Variants in MPPED2 observed in about 807,000 individuals in gnomAD.
The protein encoded by MPPED2 is metallophosphoesterase domain containing 2, also known as metallophosphoesterase MPPED2.
A neutral mutation model predicts 33.0 loss-of-function variants in MPPED2; 5 were observed. The observed-to-expected ratio is 0.15, with a 90% CI of 0.08 to 0.32. The LOEUF is 0.32. Ranked by LOEUF, MPPED2 falls within the 10% of genes least tolerant of loss-of-function variation. MPPED2 has a pLI of 1.00. For missense variants in MPPED2, 275 were observed against 372.1 expected (o/e 0.74, Z 2.15); for synonymous variants, 136 against 141.9 (o/e 0.96, Z 0.29).
intron 4 of MPPED2, among the ~76,000 whole-genome samples, chr11:30,422,643 T>A (rs1948661436): frequency 6.6e-6 from 1 of 150,890 alleles, no homozygotes; most frequent in African/African-American, 2.4e-5. Context: ...GCAATGGGGG[T>A]GAGGGGGGAA....
chr11:30,530,744 T>C (rs534794154), intron 3 of MPPED2, among the ~76,000 whole-genome samples: 27 of 152,208 alleles, frequency 1.8e-4, no homozygotes, highest in Non-Finnish European at 3.2e-4. Context: ...TCCATGAGCA[T>C]AAACTGCAAT....
At chr11:30,458,151 A>G (rs574903598) in intron 4 of MPPED2, among the ~76,000 whole-genome samples, 7 of 152,320 alleles carry the variant, frequency 4.6e-5, no homozygotes, top group Admixed American at 3.9e-4. Flanking sequence ...TTAAGATGAA[A>G]TGATCTCAAA....
intron 4 of MPPED2, among the ~76,000 whole-genome samples, chr11:30,458,163 G>A (rs1950360898): frequency 6.6e-6 from 1 of 152,112 alleles, no homozygotes; most frequent in Non-Finnish European, 1.5e-5. Context: ...GATCTCAAAG[G>A]GCCTTTCTAG....
chr11:30,517,662 G>T (rs1380158179), intron 3 of MPPED2, among the ~76,000 whole-genome samples: 1 of 151,998 alleles, frequency 6.6e-6, no homozygotes, highest in African/African-American at 2.4e-5. Context: ...ATGGAACAGG[G>T]TACTAATGAG....
intron 4 of MPPED2, among the ~76,000 whole-genome samples, chr11:30,491,266 T>C (rs1951970857): frequency 6.6e-6 from 1 of 152,208 alleles, no homozygotes; most frequent in African/African-American, 2.4e-5. Context: ...AAATATGTAT[T>C]GTTTTTGAAA....
At chr11:30,556,795 A>G (rs1955983596) in intron 2 of MPPED2, among the ~76,000 whole-genome samples, 1 of 152,216 alleles carries the variant, frequency 6.6e-6, no homozygotes, top group Non-Finnish European at 1.5e-5. Flanking sequence ...TATTATCATT[A>G]CTATTATTAT....
chr11:30,581,178 C>T (rs2134923375), intron 1 of MPPED2, among the ~76,000 whole-genome samples: 1 of 152,258 alleles, frequency 6.6e-6, no homozygotes. Flanking sequence ...AACCAAACAC[C>T]TCCAGGTCTG....
intron 3 of MPPED2, among the ~76,000 whole-genome samples, chr11:30,534,072 T>C (rs920048973): frequency 6.6e-6 from 1 of 152,140 alleles, no homozygotes; most frequent in Non-Finnish European, 1.5e-5. Context: ...GAAAGACAAG[T>C]AGTATTAATC....
chr11:30,419,236 A>G lies in MPPED2; in HGVS notation c.537-1603T>C, dbSNP rs147880526. ...GCACTATTATCATCTCTACTTTACA[A>G]TGAGGAAACTGAGGCACAGAGAGGT... On this transcript the variant is annotated intron_variant, in intron 4 of 6. Coordinates refer to ENST00000358117, the MANE Select transcript of MPPED2 (RefSeq NM_001584.3). 2.1e-3 allele frequency among the ~76,000 whole-genome samples: 320 copies of G among 152,306 alleles called. 6 individuals carry two copies. The highest frequency in any genetic ancestry group is 7.0e-3 in the African/African-American group (290 of 41,578).
intron 6 of MPPED2, among the ~76,000 whole-genome samples, chr11:30,398,951 G>A (rs1786427303): frequency 6.6e-6 from 1 of 152,068 alleles, no homozygotes; most frequent in South Asian, 2.1e-4. Flanking sequence ...CGTGATGAAT[G>A]TGAGGACGAT....
intron 2 of MPPED2, among the ~76,000 whole-genome samples, chr11:30,579,163 T>C (rs1171196669): frequency 6.6e-6 from 1 of 151,778 alleles, no homozygotes; most frequent in East Asian, 1.9e-4. Context: ...ACCCTTTTGT[T>C]TGGTTAGCGT....
chr11:30,523,538 C>T (rs546201687), intron 3 of MPPED2, among the ~76,000 whole-genome samples: 3 of 152,092 alleles, frequency 2.0e-5, no homozygotes, highest in African/African-American at 7.2e-5. Flanking sequence ...CAATAAGGCG[C>T]CTTCAATTTC....
rs182659729 is a variant in MPPED2, at chr11:30,582,539, T to A, written c.-121-2045A>T. ...ATCTCTGCACCCAGTACTAGAAAGA[T>A]TTTAAATGTTTCTGGAGTAAACACA... On this transcript the variant is annotated intron_variant, in intron 1 of 6. Transcript: ENST00000358117. Among the ~76,000 whole-genome samples, 282 of 152,336 alleles carry A rather than the reference T, an allele frequency of 1.9e-3. 1 individual carries two copies. Among genetic ancestry groups the A allele is most frequent in the Admixed American group, 5.2e-3 (79 of 15,306 alleles).
At chr11:30,550,801 T>C (rs923883529) in intron 2 of MPPED2, among the ~76,000 whole-genome samples, 10 of 152,180 alleles carry the variant, frequency 6.6e-5, no homozygotes, top group Non-Finnish European at 1.0e-4. Flanking sequence ...GAAAATTTGG[T>C]AGCAGTAATG....
At chr11:30,563,116 T>G (rs926920369) in intron 2 of MPPED2, among the ~76,000 whole-genome samples, 4 of 152,110 alleles carry the variant, frequency 2.6e-5, no homozygotes, top group African/African-American at 9.7e-5. Context: ...ATTGATTTAC[T>G]GTAACATTTT....
intron 2 of MPPED2, among the ~76,000 whole-genome samples, chr11:30,557,935 G>T (rs1363002938): frequency 1.3e-5 from 2 of 152,138 alleles, no homozygotes; most frequent in South Asian, 2.1e-4. Context: ...TGTTGAACTG[G>T]AACCTAAGGG....
At chr11:30,554,555 C>T (rs1955875589) in intron 2 of MPPED2, among the ~76,000 whole-genome samples, 1 of 152,130 alleles carries the variant, frequency 6.6e-6, no homozygotes, top group Admixed American at 6.6e-5. Context: ...AGTGCAGTGG[C>T]ACCATCTCAG....
chr11:30,516,336 G>A (rs1052370184), intron 3 of MPPED2, among the ~76,000 whole-genome samples: 8 of 151,956 alleles, frequency 5.3e-5, no homozygotes, highest in African/African-American at 1.5e-4. Context: ...ATTTCTATAC[G>A]TCTTCATTTC....
intron 4 of MPPED2, among the ~76,000 whole-genome samples, chr11:30,419,679 A>G (rs1948526106): frequency 6.6e-6 from 1 of 152,186 alleles, no homozygotes; most frequent in South Asian, 2.1e-4. Context: ...AGTTGTGTCA[A>G]TGAGAGTCAC....
Sources: gnomAD v4.1 joint callset for allele counts (sites outside exome capture counted in the v4.1 genomes callset) on GRCh38, gnomAD v4.1.1 for gene constraint, MANE v1.5 for transcripts, NCBI Gene and HGNC (gene_info 2026-07-23, HGNC 2026-07-21) for gene names.